CLSTN2: variants seen among roughly 807,000 people sequenced by gnomAD.
CLSTN2 encodes calsyntenin-2.
In CLSTN2, 48 loss-of-function variants were observed where a neutral mutation model predicts 101.2. The ratio of observed to expected loss-of-function variants is 0.47; its 90% CI spans 0.38 to 0.60. The LOEUF is 0.60. Among genes scored for constraint, CLSTN2 ranks in the 20% least tolerant of loss-of-function variants. The pLI is 0.00. For missense variants in CLSTN2, 1,160 were observed against 1,238.2 expected (o/e 0.94, Z 0.95); for synonymous variants, 481 against 463.6 (o/e 1.04, Z -0.48).
At chr3:140,043,601 T>C (rs2007805768) in intron 1 of CLSTN2, among the ~76,000 whole-genome samples, 1 of 152,238 alleles carries the variant, frequency 6.6e-6, no homozygotes, top group Admixed American at 6.5e-5. Flanking sequence ...ATCTTGCCCA[T>C]GCCTATGTCC....
chr3:140,476,534 C>A (rs1933987246), intron 8 of CLSTN2, among the ~76,000 whole-genome samples: 1 of 152,002 alleles, frequency 6.6e-6, no homozygotes, highest in Non-Finnish European at 1.5e-5. Context: ...AATGTACAAT[C>A]TTAGTGAATA....
chr3:140,053,990 T>C (rs2008050934), intron 1 of CLSTN2, among the ~76,000 whole-genome samples: 2 of 152,226 alleles, frequency 1.3e-5, no homozygotes, highest in South Asian at 4.1e-4. Flanking sequence ...TACAAGAGGG[T>C]CATCACAGCT....
chr3:140,330,850 C>G (rs188692605), intron 2 of CLSTN2, among the ~76,000 whole-genome samples: 2 of 152,266 alleles, frequency 1.3e-5, no homozygotes, highest in East Asian at 3.9e-4. Context: ...GGGCATTGTT[C>G]GTAGGCATCT....
chr3:140,263,308 G>A (rs1369047889), intron 2 of CLSTN2, among the ~76,000 whole-genome samples: 2 of 152,136 alleles, frequency 1.3e-5, no homozygotes, highest in African/African-American at 4.8e-5. Context: ...GATTAGTGAG[G>A]GTGATAAGAG....
At chr3:140,131,626 T>C (rs1285342270) in intron 1 of CLSTN2, among the ~76,000 whole-genome samples, 1 of 151,844 alleles carries the variant, frequency 6.6e-6, no homozygotes, top group Non-Finnish European at 1.5e-5. Flanking sequence ...ACTTCTAGAG[T>C]GGTCTATAAT....
chr3:140,246,979 G>T (rs1180006893), intron 2 of CLSTN2, among the ~76,000 whole-genome samples: 1 of 152,164 alleles, frequency 6.6e-6, no homozygotes, highest in Non-Finnish European at 1.5e-5. Flanking sequence ...GATTCCTGGT[G>T]CTCAATACCT....
chr3:140,201,353 A>G (rs993576268), intron 2 of CLSTN2, among the ~76,000 whole-genome samples: 2 of 152,144 alleles, frequency 1.3e-5, no homozygotes, highest in South Asian at 2.1e-4. Context: ...GGCCTTGTCA[A>G]GGTAGCAGCT....
intron 1 of CLSTN2, among the ~76,000 whole-genome samples, chr3:140,141,962 TAAAGA>T (rs992430031): frequency 1.3e-5 from 2 of 152,068 alleles, no homozygotes; most frequent in South Asian, 4.1e-4. Flanking sequence ...GTCCAATTAA[TAAAGA>T]AAACAAAAAA....
intron 2 of CLSTN2, among the ~76,000 whole-genome samples, chr3:140,401,126 T>C (rs944533785): frequency 1.3e-5 from 2 of 152,222 alleles, no homozygotes; most frequent in African/African-American, 2.4e-5. Flanking sequence ...TAAAAAATAT[T>C]TGTGAGAAGA....
intron 8 of CLSTN2, among the ~76,000 whole-genome samples, chr3:140,512,017 C>G (rs1309358454): frequency 4.0e-5 from 6 of 151,524 alleles, no homozygotes; most frequent in Non-Finnish European, 5.9e-5. Context: ...GCTTAAGTTC[C>G]TTGTAGGCTC....
chr3:140,055,494 G>A (rs748532003), intron 1 of CLSTN2, among the ~76,000 whole-genome samples: 3 of 152,180 alleles, frequency 2.0e-5, no homozygotes, highest in Non-Finnish European at 4.4e-5. Context: ...TTAGCTGTGA[G>A]ACCAAGGACA....
At chr3:140,027,265 AC>A (rs1316963307) in intron 1 of CLSTN2, among the ~76,000 whole-genome samples, 2 of 152,172 alleles carry the variant, frequency 1.3e-5, no homozygotes, top group Non-Finnish European at 2.9e-5. Context: ...TGGAAAGAGA[AC>A]CTTTGCAGAT....
At chr3:140,514,721 G>A (rs1934883417) in intron 8 of CLSTN2, among the ~76,000 whole-genome samples, 1 of 152,130 alleles carries the variant, frequency 6.6e-6, no homozygotes, top group Admixed American at 6.5e-5. Context: ...TTCCATAGTG[G>A]TTGTACTACT....
intron 1 of CLSTN2, among the ~76,000 whole-genome samples, chr3:140,125,476 A>G (rs4308236): frequency 0.75 from 113,297 of 151,850 alleles, 42,380 homozygotes; most frequent in Admixed American, 0.83. Flanking sequence ...AGCAGATACC[A>G]GTGAGTTGGA....
At chr3:140,445,987 G>T (rs1933067842) in intron 5 of CLSTN2, among the ~76,000 whole-genome samples, 2 of 148,660 alleles carry the variant, frequency 1.3e-5, no homozygotes, top group African/African-American at 5.1e-5. Flanking sequence ...AATCCCGGAA[G>T]GACACATGGA....
chr3:140,098,292 A>G (rs2008905590), intron 1 of CLSTN2, among the ~76,000 whole-genome samples: 1 of 152,164 alleles, frequency 6.6e-6, no homozygotes, highest in Non-Finnish European at 1.5e-5. Flanking sequence ...GCCTTCCACA[A>G]TCCAAGTTGT....
intron 2 of CLSTN2, among the ~76,000 whole-genome samples, chr3:140,224,350 A>G (rs913660882): frequency 6.6e-6 from 1 of 152,208 alleles, no homozygotes; most frequent in Non-Finnish European, 1.5e-5. Context: ...AGTTTACAGT[A>G]ATTTCTGGAA....
chr3:140,115,242 G>T (rs912907054), intron 1 of CLSTN2, among the ~76,000 whole-genome samples: 14 of 152,188 alleles, frequency 9.2e-5, no homozygotes, highest in Non-Finnish European at 1.5e-4. Flanking sequence ...CTCTTCTCAT[G>T]ATGCTGTCTT....
intron 1 of CLSTN2, among the ~76,000 whole-genome samples, chr3:140,086,900 T>A (rs1293271629): frequency 6.6e-6 from 1 of 152,240 alleles, no homozygotes; most frequent in Admixed American, 6.5e-5. Context: ...CCCATTTTCC[T>A]CATTATTCCT....
Sources: gnomAD v4.1 joint callset for allele counts (sites outside exome capture counted in the v4.1 genomes callset) on GRCh38, gnomAD v4.1.1 for gene constraint, MANE v1.5 for transcripts, NCBI Gene and HGNC (gene_info 2026-07-23, HGNC 2026-07-21) for gene names.